The following RELN variants were observed in gnomAD, a reference collection of about 807,000 sequenced individuals.
RELN encodes the protein reelin.
In RELN, 108 loss-of-function variants were observed where a neutral mutation model predicts 427.6. The ratio of observed to expected loss-of-function variants is 0.25; its 90% confidence interval spans 0.22 to 0.30. The LOEUF (loss-of-function observed/expected upper bound fraction) is 0.30, where lower values mean the gene tolerates loss of function less well. RELN is among the 10% of genes least tolerant of loss of function. RELN has a pLI of 1.00. For synonymous variants in RELN, 1,524 were observed against 1,513.4 expected (o/e 1.01, Z -0.16); for missense variants, 3,715 against 4,302.8 (o/e 0.86, Z 3.82).
intron 6 of RELN, among the ~76,000 whole-genome samples, chr7:103,743,247 G>A (rs538068417): frequency 7.2e-5 from 11 of 152,288 alleles, no homozygotes; most frequent in Non-Finnish European, 1.0e-4. Flanking sequence ...TGACCTAAAA[G>A]AGTTCCTGAA....
At position 103,594,363 on chromosome 7, in the gene RELN, C is replaced by G; in HGVS notation, c.3669G>C (p.Lys1223Asn). Residue 1223 changes from lysine to asparagine, a missense_variant, in exon 26 of 65, where the codon AAG becomes AAC. By Grantham distance (94) the Lys-to-Asn change is moderately conservative (BLOSUM62 0). Around this residue, in one of 4 missense-constraint regions of RELN, gnomAD observed 2,208 missense variants for 2,361.7 expected, o/e 0.93. Transcript: ENST00000428762. The stretch of plus-strand genomic sequence containing the variant: ...TGATAACTGGGATGATCTGCTTCTG[C>G]TTCTCGGACAGAATGATGATGTCAT... The part of the protein sequence containing the change: ...AVDDIIILSE[K>N]QKQIIPVINP... The G allele has an allele frequency of 6.2e-7, 1 of 1,614,024 alleles. No homozygotes were observed. Among genetic ancestry groups the G allele is most frequent in the Non-Finnish European group, 8.5e-7 (1 of 1,179,916 alleles).
intron 16 of RELN, among the ~76,000 whole-genome samples, chr7:103,649,577 A>C (rs1290253765): frequency 6.6e-6 from 1 of 151,998 alleles, no homozygotes; most frequent in East Asian, 1.9e-4. Flanking sequence ...TTAAAAATAA[A>C]AATAAAAATA....
chr7:103,510,748 G>C, intron 51 of RELN, 103 bp downstream of exon 51: 1 of 947,270 alleles, frequency 1.1e-6, no homozygotes, highest in Middle Eastern at 2.2e-4. Flanking sequence ...ACTTTTCAAA[G>C]TATATACTAA....
At chr7:103,868,689 T>C (rs1794257729) in intron 2 of RELN, among the ~76,000 whole-genome samples, 1 of 152,134 alleles carries the variant, frequency 6.6e-6, no homozygotes. Context: ...TGGCTTTGGC[T>C]ATTTCTCTCT....
chr7:103,711,752 G>A (rs1789807410), intron 8 of RELN, among the ~76,000 whole-genome samples: 5 of 152,132 alleles, frequency 3.3e-5, no homozygotes, highest in African/African-American at 1.2e-4. Context: ...AACCTCCTGG[G>A]CTCAAGGAAT....
chr7:103,566,978 C>G (rs975900543), intron 31 of RELN, among the ~76,000 whole-genome samples: 2 of 140,610 alleles, frequency 1.4e-5, no homozygotes, highest in African/African-American at 5.4e-5. Flanking sequence ...TACATAAGCT[C>G]TTATAAGACT....
chr7:103,681,122 G>A (rs1289527539), intron 11 of RELN, among the ~76,000 whole-genome samples: 2 of 152,114 alleles, frequency 1.3e-5, no homozygotes, highest in Non-Finnish European at 2.9e-5. Flanking sequence ...AAGCTTTGAG[G>A]ATACAACAAG....
intron 19 of RELN, 45 bp from the exon 20 acceptor site, chr7:103,630,221 T>G: frequency 7.9e-7 from 1 of 1,270,762 alleles, no homozygotes; most frequent in African/African-American, 1.5e-5. Context: ...TTTGGTATCT[T>G]AAAACACAAA....
At chr7:103,642,513 T>G (rs768362277) in intron 16 of RELN, among the ~76,000 whole-genome samples, 1 of 152,040 alleles carries the variant, frequency 6.6e-6, no homozygotes, top group Non-Finnish European at 1.5e-5. Context: ...GGTTTTGCAT[T>G]CAACATACCT....
chr7:103,982,540 T>C (rs886473833), intron 1 of RELN, among the ~76,000 whole-genome samples: 1 of 151,312 alleles, frequency 6.6e-6, no homozygotes, highest in Non-Finnish European at 1.5e-5. Context: ...AAGAACAAAG[T>C]GGTGAAGCAG....
At chr7:103,890,711 G>C (rs1356623100) in intron 2 of RELN, among the ~76,000 whole-genome samples, 1 of 152,126 alleles carries the variant, frequency 6.6e-6, no homozygotes, top group East Asian at 1.9e-4. Context: ...TCCTATATAA[G>C]CACCAGGCCA....
At position 103,515,369 on chromosome 7, in the gene RELN, A is replaced by G. The variant is rs769968881; in HGVS notation, c.7935T>C (p.His2645=). ...ATRFRWWQPR[H]DGLDQNDWAI... is the part of the protein sequence containing the mutation. ...CCCAGTCGTTCTGATCCAGGCCGTC[A>G]TGTCTTGGCTGCCACCAGCGGAAGC... Residue 2645 remains histidine, a synonymous_variant, in exon 50 of 65, where the codon CAT becomes CAC. Coordinates refer to ENST00000428762, the MANE Select transcript of RELN (RefSeq NM_005045.4). 2 of 1,614,184 alleles carry G rather than the reference A, an allele frequency of 1.2e-6. No homozygotes were observed. The highest frequency in any genetic ancestry group is 4.5e-5 in the East Asian group (2 of 44,870).
At chr7:103,698,685 A>G (rs1834029506) in intron 9 of RELN, among the ~76,000 whole-genome samples, 1 of 151,682 alleles carries the variant, frequency 6.6e-6, no homozygotes, top group Non-Finnish European at 1.5e-5. Flanking sequence ...GCTAATTTTT[A>G]TTTTTATTTT....
chr7:103,919,582 T>C (rs1197214769), intron 1 of RELN, among the ~76,000 whole-genome samples: 2 of 152,126 alleles, frequency 1.3e-5, no homozygotes, highest in Non-Finnish European at 2.9e-5. Context: ...TCCCCCAACC[T>C]AAAAGGGAGA....
At chr7:103,491,912 T>G (rs1451107066) in intron 58 of RELN, 41 bp downstream of exon 58, 1 of 1,260,440 alleles carries the variant, frequency 7.9e-7, no homozygotes, top group African/African-American at 1.5e-5. Flanking sequence ...TTGGATGGGG[T>G]ATTCAAGTTT....
At chr7:103,670,019 T>A (rs1243942339) in intron 11 of RELN, among the ~76,000 whole-genome samples, 1 of 152,100 alleles carries the variant, frequency 6.6e-6, no homozygotes, top group Non-Finnish European at 1.5e-5. Context: ...AATATTTAAT[T>A]TATATTTTTA....
Position 103,593,704 on chromosome 7 carries a change from G to A in RELN, c.3890C>T (p.Pro1297Leu). Reference sequence around the variant, plus strand: ...TACCTTGAACTGTAGCACATATCCAGGTTTCAGGGTCAAATCTCGAGTTAC... The same window carrying A: ...TACCTTGAACTGTAGCACATATCCAAGTTTCAGGGTCAAATCTCGAGTTAC... The part of the protein sequence containing the change: ...FAVTRDLTLK[P>L]GYVLQFKLNI... Residue 1297 changes from proline (P) to leucine (L), a missense_variant, in exon 27 of 65, where the codon CCT becomes CTT. Transcript: ENST00000428762. The A allele has an allele frequency of 6.2e-7, 1 of 1,613,886 alleles. No homozygotes were observed. Among genetic ancestry groups the A allele is most frequent in the Non-Finnish European group, 8.5e-7 (1 of 1,179,850 alleles).
intron 2 of RELN, among the ~76,000 whole-genome samples, chr7:103,863,811 T>C (rs1319632549): frequency 6.6e-6 from 1 of 150,550 alleles, no homozygotes; most frequent in African/African-American, 2.4e-5. Flanking sequence ...ATAAATCCTT[T>C]GCAATCAATT....
chr7:103,629,897 T>A (rs778110342), intron 20 of RELN, 43 bp downstream of exon 20: 2 of 1,193,874 alleles, frequency 1.7e-6, no homozygotes, highest in Non-Finnish European at 2.5e-6. Context: ...CATGTTCTAA[T>A]TCCTAGTGCA....
Sources: allele counts gnomAD v4.1 joint callset (sites outside exome capture counted in the v4.1 genomes callset), GRCh38; gene constraint gnomAD v4.1.1; regional missense constraint gnomAD v4.1.1; transcripts MANE v1.5; gene names NCBI Gene and HGNC (gene_info 2026-07-23, HGNC 2026-07-21).